The following GLIS3 variants were observed in gnomAD, a reference collection of about 807,000 sequenced individuals.
GLIS3 encodes zinc finger protein GLIS3.
In GLIS3, 53 loss-of-function variants were observed where a neutral mutation model predicts 78.6. That is an observed-to-expected ratio of 0.67 (90% CI 0.54 to 0.85). GLIS3 has a LOEUF of 0.85. Ranked by LOEUF, GLIS3 falls within the 40% of genes least tolerant of loss-of-function variation. The pLI, the probability that GLIS3 is intolerant of heterozygous loss-of-function variation, is 0.00. For synonymous variants in GLIS3, 684 were observed against 509.9 expected (o/e 1.34, Z -4.60); for missense variants, 1,703 against 1,231.1 (o/e 1.38, Z -5.74).
chr9:3,850,381 C>G (rs1007866467), intron 9 of GLIS3, among the ~76,000 whole-genome samples: 2 of 152,212 alleles, frequency 1.3e-5, no homozygotes, highest in African/African-American at 4.8e-5. Context: ...GTCTGGACAG[C>G]AGCTAGGCTG....
intron 2 of GLIS3, among the ~76,000 whole-genome samples, chr9:4,227,222 A>G (rs1007653283): frequency 6.6e-6 from 1 of 151,278 alleles, no homozygotes; most frequent in Non-Finnish European, 1.5e-5. Flanking sequence ...TTCCATCCTG[A>G]GGCAGGTTAT....
At chr9:3,856,298 CAAGCCTTTT>C (rs1239686544) in intron 8 of GLIS3, 114 bp from the exon 9 acceptor site, 3 of 940,970 alleles carry the variant, frequency 3.2e-6, no homozygotes, top group Non-Finnish European at 5.0e-6. Flanking sequence ...AGCGTGACAA[CAAGCCTTTT>C]AAAAAAAAAT....
At chr9:4,407,957 G>A in the GLIS3 span, among the ~76,000 whole-genome samples, 48 of 152,204 alleles carry the variant, frequency 3.2e-4, no homozygotes, top group Middle Eastern at 6.8e-3. Context: ...AATGGGCAAA[G>A]ATCTGAAAAG....
the GLIS3 span, among the ~76,000 whole-genome samples, chr9:4,399,761 T>C: frequency 2.0e-5 from 3 of 152,132 alleles, no homozygotes; most frequent in African/African-American, 7.2e-5. Context: ...AGTGGTTCAA[T>C]GTGTGGGATG....
At chr9:3,856,298 C>T (rs912057898) in intron 8 of GLIS3, 114 bp from the exon 9 acceptor site, 1 of 941,096 alleles carries the variant, frequency 1.1e-6, no homozygotes, top group African/African-American at 1.6e-5. Flanking sequence ...AGCGTGACAA[C>T]AAGCCTTTTA....
the GLIS3 span, among the ~76,000 whole-genome samples, chr9:4,366,323 G>C: frequency 6.6e-6 from 1 of 152,126 alleles, no homozygotes; most frequent in African/African-American, 2.4e-5. Context: ...GACTTCTTTA[G>C]CTAATTGCCT....
intron 4 of GLIS3, among the ~76,000 whole-genome samples, chr9:3,953,771 C>T (rs1234428035): frequency 8.6e-5 from 3 of 34,834 alleles, no homozygotes; most frequent in African/African-American, 3.5e-4. Flanking sequence ...CTCTCTCTCT[C>T]TCTCTCTCTC....
chr9:3,893,037 A>G (rs1047566690), intron 7 of GLIS3, among the ~76,000 whole-genome samples: 6 of 152,228 alleles, frequency 3.9e-5, no homozygotes, highest in Admixed American at 2.6e-4. Context: ...TGTTGTACAC[A>G]TTGTTTCACT....
intron 8 of GLIS3, among the ~76,000 whole-genome samples, chr9:3,862,531 T>C (rs1335059586): frequency 2.6e-5 from 4 of 152,216 alleles, no homozygotes; most frequent in Non-Finnish European, 5.9e-5. Flanking sequence ...ATTTATTTCT[T>C]TAACAAAATT....
the GLIS3 span, among the ~76,000 whole-genome samples, chr9:4,406,008 T>C: frequency 3.4e-4 from 52 of 152,272 alleles, no homozygotes; most frequent in East Asian, 7.7e-3. Context: ...TTTGATAAAG[T>C]TTAACATCTC....
At chr9:3,953,499 T>A (rs1237781894) in intron 4 of GLIS3, among the ~76,000 whole-genome samples, 1 of 152,204 alleles carries the variant, frequency 6.6e-6, no homozygotes, top group Non-Finnish European at 1.5e-5. Flanking sequence ...TATTCAATGA[T>A]TCCCTTGTAA....
chr9:4,483,257 T>C, the GLIS3 span, among the ~76,000 whole-genome samples: 1 of 152,052 alleles, frequency 6.6e-6, no homozygotes, highest in Non-Finnish European at 1.5e-5. Context: ...GATTCAGGAG[T>C]TCAACCACTG....
At chr9:3,948,930 T>A (rs944859440) in intron 4 of GLIS3, among the ~76,000 whole-genome samples, 5 of 152,188 alleles carry the variant, frequency 3.3e-5, no homozygotes, top group African/African-American at 1.2e-4. Flanking sequence ...TCCACATGTA[T>A]TCAAATTATC....
chr9:4,316,561 C>T (rs889032303), intron 2 of GLIS3, among the ~76,000 whole-genome samples: 19 of 152,264 alleles, frequency 1.2e-4, no homozygotes, highest in African/African-American at 4.3e-4. Flanking sequence ...TGTGGGTTTT[C>T]TCTGGGTACT....
chr9:4,245,525 C>T (rs141141390), intron 2 of GLIS3, among the ~76,000 whole-genome samples: 2 of 152,202 alleles, frequency 1.3e-5, no homozygotes, highest in Non-Finnish European at 1.5e-5. Flanking sequence ...TTGAAAAATG[C>T]GAAGAGCTAT....
chr9:4,288,298 G>C (rs371630960), intron 1 of GLIS3, among the ~76,000 whole-genome samples: 2 of 152,120 alleles, frequency 1.3e-5, no homozygotes, highest in Non-Finnish European at 2.9e-5. Flanking sequence ...CCCTGCAGAA[G>C]AAAGCACGTA....
intron 1 of GLIS3, among the ~76,000 whole-genome samples, chr9:4,295,019 T>G (rs1047906089): frequency 1.3e-5 from 2 of 152,224 alleles, no homozygotes; most frequent in South Asian, 4.1e-4. Context: ...GCATGTTTCC[T>G]AGTCTTTTCC....
In GLIS3 at chr9:3,932,467, G is replaced by A; in HGVS notation, c.1876C>T (p.Pro626Ser). The change falls in exon 6 of 11, where the codon CCT becomes TCT. Residue 626 changes from proline (P) to serine (S), a missense_variant. Transcript: ENST00000381971. ...CATCCTGGAATTTGACAAGCATAAG[G>A]TTTCTAAATGAGAAAGAAAGAAAGA... ...KHQRTHLDTK[P>S]YACQIPGCTK... is the part of the protein sequence containing the mutation. The A allele has an allele frequency of 1.2e-6, 2 of 1,607,180 alleles. No individual in the cohort carries two copies. Among genetic ancestry groups the A allele is most frequent in the Non-Finnish European group, 1.7e-6 (2 of 1,173,828 alleles).
chr9:4,154,275 G>C lies in GLIS3; in HGVS notation c.389-28334C>G, dbSNP rs557574309. Among the ~76,000 whole-genome samples the C allele has an allele frequency of 2.0e-3, 312 of 152,268 alleles. 1 individual carries two copies. Among genetic ancestry groups the C allele is most frequent in the Non-Finnish European group, 3.6e-3 (247 of 68,022 alleles). On this transcript the variant is annotated intron_variant, in intron 2 of 10. Coordinates refer to ENST00000381971, the MANE Select transcript of GLIS3 (RefSeq NM_001042413.2). ...ACTCCATCTCTTGACATAAGAGTGG[G>C]AGCGTCACATCACAAAAGAGAATAT... is the stretch of plus-strand genomic sequence containing the variant.
Sources: gnomAD v4.1 joint callset for allele counts (sites outside exome capture counted in the v4.1 genomes callset) on GRCh38, gnomAD v4.1.1 for gene constraint, MANE v1.5 for transcripts, NCBI Gene and HGNC (gene_info 2026-07-23, HGNC 2026-07-21) for gene names.